SLC6A11: variants seen among roughly 807,000 people sequenced by gnomAD.
SLC6A11 encodes sodium- and chloride-dependent GABA transporter 3.
SLC6A11 carries 25 observed loss-of-function variants against 74.8 expected under a neutral mutation model. The ratio of observed to expected loss-of-function variants is 0.33; its 90% CI spans 0.24 to 0.47. The LOEUF is 0.47. Among genes scored for constraint, SLC6A11 ranks in the 20% least tolerant of loss-of-function variants. The pLI, the probability that SLC6A11 is intolerant of heterozygous loss-of-function variation, is 1.00. For missense variants in SLC6A11, 574 were observed against 837.0 expected (o/e 0.69, Z 3.88); for synonymous variants, 330 against 330.2 (o/e 1.00, Z 0.01).
intron 4 of SLC6A11, among the ~76,000 whole-genome samples, chr3:10,827,592 T>C (rs541720144): frequency 3.3e-5 from 5 of 152,316 alleles, no homozygotes; most frequent in African/African-American, 1.2e-4. Flanking sequence ...GCCACATTGC[T>C]CAGTCAAAGT....
intron 6 of SLC6A11, among the ~76,000 whole-genome samples, chr3:10,895,516 C>A (rs1309759693): frequency 2.0e-5 from 3 of 152,142 alleles, no homozygotes; most frequent in African/African-American, 7.2e-5. Flanking sequence ...CCAAACACCT[C>A]ATGTTCTTGC....
intron 8 of SLC6A11, among the ~76,000 whole-genome samples, chr3:10,923,064 A>G (rs528734597): frequency 7.7e-4 from 117 of 152,256 alleles, no homozygotes; most frequent in African/African-American, 2.7e-3. Flanking sequence ...GGAAGTATCA[A>G]TATATTAAAA....
chr3:10,892,492 T>G (rs1695118385), intron 6 of SLC6A11, among the ~76,000 whole-genome samples: 1 of 151,868 alleles, frequency 6.6e-6, no homozygotes, highest in Non-Finnish European at 1.5e-5. Flanking sequence ...CCACCGACCT[T>G]GAACTGTCAC....
At chr3:10,920,009 T>C (rs1243704197) in intron 8 of SLC6A11, among the ~76,000 whole-genome samples, 1 of 152,004 alleles carries the variant, frequency 6.6e-6, no homozygotes, top group East Asian at 1.9e-4. Flanking sequence ...CTTCCTCATA[T>C]TCAACCACAG....
chr3:10,896,314 A>G (rs1255392500), intron 6 of SLC6A11, among the ~76,000 whole-genome samples: 1 of 152,236 alleles, frequency 6.6e-6, no homozygotes. Context: ...ATGCTTTTTC[A>G]GGCCCAAAGG....
At chr3:10,924,554 G>A (rs1246886334) in intron 8 of SLC6A11, among the ~76,000 whole-genome samples, 1 of 152,054 alleles carries the variant, frequency 6.6e-6, no homozygotes, top group Non-Finnish European at 1.5e-5. Flanking sequence ...AAATGGAAAG[G>A]CAAGCCACAG....
intron 7 of SLC6A11, among the ~76,000 whole-genome samples, chr3:10,917,842 T>C (rs908213820): frequency 6.6e-6 from 1 of 152,138 alleles, no homozygotes. Flanking sequence ...AGGAAGAATG[T>C]CACCATAAAG....
chr3:10,825,529 G>T (rs1694197162), intron 4 of SLC6A11: 1 of 151,916 alleles, frequency 6.6e-6, no homozygotes, highest in African/African-American at 2.4e-5. Flanking sequence ...CTTATTTATG[G>T]TGTACAGAAG....
intron 3 of SLC6A11, 43 bp downstream of exon 3, chr3:10,819,895 C>G (rs751526448): frequency 1.2e-6 from 2 of 1,603,378 alleles, no homozygotes; most frequent in East Asian, 2.2e-5. Context: ...TGCTGGGTGA[C>G]CTGGGATTGG....
intron 6 of SLC6A11, among the ~76,000 whole-genome samples, chr3:10,894,348 T>A (rs1695144894): frequency 6.6e-6 from 1 of 152,020 alleles, no homozygotes; most frequent in Non-Finnish European, 1.5e-5. Flanking sequence ...AGGAGAATGG[T>A]ATGTAAGCAG....
At chr3:10,904,013 A>C (rs1695272937) in intron 6 of SLC6A11, among the ~76,000 whole-genome samples, 2 of 152,360 alleles carry the variant, frequency 1.3e-5, no homozygotes, top group African/African-American at 4.8e-5. Flanking sequence ...CCAGCAACCT[A>C]CCTGTGTCTA....
chr3:10,836,753 C>G (rs1484639836), intron 4 of SLC6A11, among the ~76,000 whole-genome samples: 1 of 152,166 alleles, frequency 6.6e-6, no homozygotes, highest in Non-Finnish European at 1.5e-5. Context: ...CCCAGTGTGA[C>G]CTGGGAACTC....
rs1205358187 is a variant in SLC6A11 at position 10,915,703 on chromosome 3, C to T, written c.996-2626C>T. Among the ~76,000 whole-genome samples the T allele has an allele frequency of 6.6e-6, 1 of 152,026 alleles. No individual in the cohort carries two copies. Among genetic ancestry groups the T allele is most frequent in the African/African-American group, 2.4e-5 (1 of 41,378 alleles). On this transcript the variant is annotated intron_variant, in intron 7 of 13. Transcript: ENST00000254488. This position sits in a 1 kb window ranked among gnomAD's most constrained non-coding sequence, Gnocchi z 4.3. Reference sequence around the variant, plus strand: ...TCTGAGGACTGGAGGGGAGGAGGGACTGGTCATGCATGGGGCTGGAAGGGA... The same window carrying T: ...TCTGAGGACTGGAGGGGAGGAGGGATTGGTCATGCATGGGGCTGGAAGGGA...
At chr3:10,934,911 C>A in intron 12 of SLC6A11, 118 bp from the exon 13 acceptor site, 1 of 867,016 alleles carries the variant, frequency 1.2e-6, no homozygotes, top group Non-Finnish European at 1.8e-6. Flanking sequence ...GGCTGTGAAA[C>A]AGGGCCAGCT....
intron 3 of SLC6A11, 79 bp from the exon 4 acceptor site, chr3:10,823,223 A>C: frequency 2.8e-6 from 3 of 1,055,088 alleles, no homozygotes; most frequent in Non-Finnish European, 4.4e-6. Context: ...CTAGTTGCGC[A>C]TCAGCTCTGA....
rs992518992 is a variant in SLC6A11, at chr3:10,859,891, G to A, written c.757-15070G>A. On this transcript the variant is annotated intron_variant, in intron 5 of 13. Transcript: ENST00000254488. ...TAACATTATTCCTGTGTGACACGTG[G>A]AATAGTCACACCAGACTCTACTGTT... 1.1e-4 allele frequency among the ~76,000 whole-genome samples: 17 copies of A among 152,166 alleles called. 1 individual carries two copies. Among genetic ancestry groups the A allele is most frequent in the Admixed American group, 9.8e-4 (15 of 15,280 alleles).
chr3:10,883,162 G>A (rs1330367175), intron 6 of SLC6A11, among the ~76,000 whole-genome samples: 6 of 152,186 alleles, frequency 3.9e-5, no homozygotes, highest in Admixed American at 2.0e-4. Flanking sequence ...GCAGCTTGCC[G>A]CTTTTGTCCC....
intron 4 of SLC6A11, among the ~76,000 whole-genome samples, chr3:10,835,023 C>G (rs1165410871): frequency 6.6e-6 from 1 of 152,200 alleles, no homozygotes; most frequent in Non-Finnish European, 1.5e-5. Context: ...CCCGACTCCC[C>G]ACTCCAAACT....
In SLC6A11 at chr3:10,921,586, A is replaced by G. The variant is rs571601030; in HGVS notation, c.1120+3133A>G. Among the ~76,000 whole-genome samples, 16 of 152,332 alleles carry G rather than the reference A, an allele frequency of 1.1e-4. 1 individual carries two copies. The South Asian group carries it at 2.9e-3, about 28-fold the overall frequency. The stretch of plus-strand genomic sequence containing the variant: ...AACTAAACAAAATAAGCAAAGAAAA[A>G]CAGAAAACCAAAAGAAAACAAATGC... On this transcript the variant is annotated intron_variant, in intron 8 of 13. Transcript: ENST00000254488.
Sources: gnomAD v4.1 joint callset for allele counts (sites outside exome capture counted in the v4.1 genomes callset) on GRCh38, gnomAD v4.1.1 for gene constraint, Gnocchi (gnomAD v3.1) non-coding constraint, MANE v1.5 for transcripts, NCBI Gene and HGNC (gene_info 2026-07-23, HGNC 2026-07-21) for gene names.